TPRG1: variants seen among roughly 807,000 people sequenced by gnomAD.
The protein encoded by TPRG1 is tumor protein p63-regulated gene 1 protein.
TPRG1 carries 29 observed loss-of-function variants against 29.3 expected under a neutral mutation model. That is an observed-to-expected ratio of 0.99 (90% confidence interval 0.74 to 1.35). The LOEUF (loss-of-function observed/expected upper bound fraction) is 1.35, where lower values mean the gene tolerates loss of function less well. Ranked by LOEUF, TPRG1 falls within the 40% of genes most tolerant of loss-of-function variation. The probability of loss-of-function intolerance (pLI) is 0.00; values close to 1 mark genes in which losing one functional copy is unlikely to be tolerated. For synonymous variants in TPRG1, 130 were observed against 116.8 expected (o/e 1.11, Z -0.73); for missense variants, 327 against 335.0 (o/e 0.98, Z 0.19).
intron 4 of TPRG1, among the ~76,000 whole-genome samples, chr3:189,074,300 G>C (rs544641528): frequency 6.8e-6 from 1 of 147,930 alleles, no homozygotes; most frequent in Non-Finnish European, 1.5e-5. Context: ...CTGCCTCCAG[G>C]TTTCGCGCCA....
intron 3 of TPRG1, among the ~76,000 whole-genome samples, chr3:189,022,577 C>T (rs903644086): frequency 5.9e-5 from 9 of 151,956 alleles, no homozygotes; most frequent in East Asian, 5.8e-4. Context: ...CTTGAGGAGG[C>T]AGTCTGCCCG....
chr3:189,277,335 C>A (rs1003866797), intron 4 of TPRG1, among the ~76,000 whole-genome samples: 2 of 152,084 alleles, frequency 1.3e-5, no homozygotes, highest in East Asian at 3.9e-4. Context: ...CCATAAGATC[C>A]CAGGGGAATT....
chr3:189,043,677 T>C (rs1714779659), intron 4 of TPRG1, among the ~76,000 whole-genome samples: 1 of 152,144 alleles, frequency 6.6e-6, no homozygotes, highest in South Asian at 2.1e-4. Flanking sequence ...ATTTAGGCAC[T>C]GCGATGGCAC....
intron 4 of TPRG1, among the ~76,000 whole-genome samples, chr3:189,150,132 C>A (rs904480981): frequency 3.3e-5 from 5 of 152,150 alleles, no homozygotes; most frequent in African/African-American, 4.8e-5. Flanking sequence ...CTGCTTACTA[C>A]CTTTGATGAA....
chr3:189,130,798 A>G (rs981091687), intron 2 of TPRG1, among the ~76,000 whole-genome samples: 2 of 152,232 alleles, frequency 1.3e-5, no homozygotes, highest in African/African-American at 4.8e-5. Flanking sequence ...TATATATTCC[A>G]GCTATAACAG....
chr3:189,279,509 T>A (rs548430450), intron 4 of TPRG1, among the ~76,000 whole-genome samples: 1 of 152,350 alleles, frequency 6.6e-6, no homozygotes, highest in South Asian at 2.1e-4. Flanking sequence ...TTGGAGAAAC[T>A]AATTTGTGTA....
intron 4 of TPRG1, among the ~76,000 whole-genome samples, chr3:189,078,034 T>A (rs993055280): frequency 6.7e-6 from 1 of 149,408 alleles, no homozygotes; most frequent in East Asian, 2.0e-4. Context: ...CTTCCTTCCT[T>A]CCTTCCTTCC....
At chr3:189,200,036 A>G (rs1733205584) in intron 1 of TPRG1, among the ~76,000 whole-genome samples, 1 of 152,202 alleles carries the variant, frequency 6.6e-6, no homozygotes, top group Non-Finnish European at 1.5e-5. Flanking sequence ...GGTCACTCTG[A>G]GGGGACGGCA....
chr3:189,001,746 A>G (rs367937218), intron 2 of TPRG1, among the ~76,000 whole-genome samples: 1 of 152,088 alleles, frequency 6.6e-6, no homozygotes, highest in East Asian at 1.9e-4. Flanking sequence ...TATGGAAGTC[A>G]TGGAAGTGAG....
At chr3:189,134,904 A>G (rs1419744501) in intron 3 of TPRG1, among the ~76,000 whole-genome samples, 2 of 152,172 alleles carry the variant, frequency 1.3e-5, no homozygotes, top group Non-Finnish European at 2.9e-5. Flanking sequence ...ATGACAAGGA[A>G]TGTACGCAGT....
intron 3 of TPRG1, among the ~76,000 whole-genome samples, chr3:189,019,494 T>C (rs1483017880): frequency 6.6e-6 from 1 of 152,262 alleles, no homozygotes; most frequent in African/African-American, 2.4e-5. Context: ...GATAATCATA[T>C]GGTTTTTGTC....
chr3:189,174,397 G>T (rs1019105774), intron 1 of TPRG1, among the ~76,000 whole-genome samples: 1 of 152,166 alleles, frequency 6.6e-6, no homozygotes, highest in Non-Finnish European at 1.5e-5. Context: ...CTGGGGCCGG[G>T]CAGCAACTTC....
At chr3:189,156,264 T>C (rs921069352) in intron 5 of TPRG1, among the ~76,000 whole-genome samples, 2 of 151,898 alleles carry the variant, frequency 1.3e-5, no homozygotes, top group African/African-American at 4.8e-5. Context: ...AGTCAGCTTC[T>C]AGAAGCCGAA....
At chr3:189,173,964 G>A (rs573936075) in intron 1 of TPRG1, among the ~76,000 whole-genome samples, 1 of 152,126 alleles carries the variant, frequency 6.6e-6, no homozygotes, top group Admixed American at 6.5e-5. Context: ...ATTTGCTTCG[G>A]CCAAATGTTG....
At chr3:189,312,149 CT>C (rs1343954096) in intron 5 of TPRG1, among the ~76,000 whole-genome samples, 2 of 50,658 alleles carry the variant, frequency 3.9e-5, no homozygotes, top group African/African-American at 1.7e-4. Context: ...TTCTTTCTTT[CT>C]TTCTTTCTTT....
intron 1 of TPRG1, among the ~76,000 whole-genome samples, chr3:189,106,470 G>A (rs115458888): frequency 5.7e-4 from 87 of 151,980 alleles, no homozygotes; most frequent in African/African-American, 2.1e-3. Flanking sequence ...TTTTCTTATG[G>A]CAAATATACA....
At chr3:189,163,099 T>C (rs1054672469) in intron 5 of TPRG1, among the ~76,000 whole-genome samples, 6 of 152,010 alleles carry the variant, frequency 3.9e-5, no homozygotes, top group African/African-American at 1.4e-4. Flanking sequence ...TGGTGAAACC[T>C]GGTCTCTACT....
chr3:189,190,940 G>T, intron 1 of TPRG1: 3 of 985,236 alleles, frequency 3.0e-6, no homozygotes, highest in Non-Finnish European at 3.6e-6. Flanking sequence ...CAATGAGCCG[G>T]CTTTGAGATA....
chr3:189,167,645 G>A (rs975115406), upstream of TPRG1, among the ~76,000 whole-genome samples: 1 of 152,182 alleles, frequency 6.6e-6, no homozygotes, highest in African/African-American at 2.4e-5. Context: ...GTAACTGCAC[G>A]AGTTGCATGC....
Sources: allele counts gnomAD v4.1 joint callset (sites outside exome capture counted in the v4.1 genomes callset), GRCh38; gene constraint gnomAD v4.1.1; transcripts MANE v1.5; gene names NCBI Gene and HGNC (gene_info 2026-07-23, HGNC 2026-07-21).